The following OR1L8 variants were observed in gnomAD, a reference collection of about 807,000 sequenced individuals.
The protein encoded by OR1L8 is olfactory receptor family 1 subfamily L member 8.
For missense variants in OR1L8, 330 were observed against 377.4 expected, an observed-to-expected ratio of 0.87 and a Z score of 1.04; for synonymous variants, 148 against 147.0, an observed-to-expected ratio of 1.01 and a Z score of -0.05.
At chr9:122,557,611 G>C in the OR1L8 span, among the ~76,000 whole-genome samples, 2 of 151,974 alleles carry the variant, frequency 1.3e-5, no homozygotes, top group African/African-American at 4.8e-5. Context: ...TATTTGCTAA[G>C]TACTTTATTA....
In OR1L8 at chr9:122,568,226, C is replaced by A; in HGVS notation, c.252G>T (p.Met84Ile). ...FTTSVVPKML[M>I]NFLSEKKTIS... is the part of the protein sequence containing the mutation. ...TGGTCTTCTTTTCTGACAGGAAGTT[C>A]ATCAGCATCTTGGGGACAACGCTTG... is the stretch of plus-strand genomic sequence containing the variant. The change falls in exon 5 of 5, where the codon ATG (methionine) becomes ATT (isoleucine). Residue 84 changes from methionine to isoleucine, a missense_variant. Coordinates refer to ENST00000641027, the MANE Select transcript of OR1L8 (RefSeq NM_001004454.2). 6.2e-7 allele frequency: 1 copy of A among 1,614,128 alleles called. No individual in the cohort carries two copies. Among genetic ancestry groups the A allele is most frequent in the Non-Finnish European group, 8.5e-7 (1 of 1,180,008 alleles).
chr9:122,561,674 G>A, the OR1L8 span, among the ~76,000 whole-genome samples: 3 of 152,250 alleles, frequency 2.0e-5, no homozygotes, highest in African/African-American at 7.2e-5. Flanking sequence ...GATGTCACTG[G>A]GGGAAGCTGG....
the OR1L8 span, among the ~76,000 whole-genome samples, chr9:122,548,723 C>T: frequency 6.7e-6 from 1 of 149,522 alleles, no homozygotes. Flanking sequence ...AGGTATATCT[C>T]CTAATGCTAT....
At chr9:122,552,899 A>T in the OR1L8 span, among the ~76,000 whole-genome samples, 1 of 151,680 alleles carries the variant, frequency 6.6e-6, no homozygotes, top group African/African-American at 2.4e-5. Context: ...CTCAATTCTC[A>T]CTTCCTCTAA....
At chr9:122,577,397 C>A (rs7867128) in intron 2 of OR1L8, among the ~76,000 whole-genome samples, 5,439 of 152,178 alleles carry the variant, frequency 0.036, 282 homozygotes, top group East Asian at 0.25. Flanking sequence ...ATATGACCTC[C>A]ACATACAAAA....
chr9:122,568,070 G>A lies in OR1L8; in HGVS notation c.408C>T (p.Thr136=). ...GCAGGACACAGTGGTGGTGGCTCAT[G>A]GTGGTGACATAGTGGAAAGGGTCAC... is the stretch of plus-strand genomic sequence containing the variant. ...AVCDPFHYVT[T]MSHHHCVLLV... Residue 136 remains threonine, a synonymous_variant, in exon 5 of 5, where the codon ACC becomes ACT. Transcript: ENST00000641027. 6.2e-7 allele frequency: 1 copy of A among 1,614,086 alleles called. No individual in the cohort carries two copies.
At chr9:122,550,300 C>T in the OR1L8 span, among the ~76,000 whole-genome samples, 1 of 150,050 alleles carries the variant, frequency 6.7e-6, no homozygotes, top group Non-Finnish European at 1.5e-5. Flanking sequence ...CAGTTTAATT[C>T]ACAGCTGAAT....
At chr9:122,565,091 C>A (rs1326674967), downstream of OR1L8, among the ~76,000 whole-genome samples, 1 of 152,130 alleles carries the variant, frequency 6.6e-6, no homozygotes, top group Non-Finnish European at 1.5e-5. Context: ...TCCAGATAGC[C>A]CTTTTAAGGT....
rs201592433 is a variant in OR1L8 at position 122,567,982 on chromosome 9, G to T, written c.496C>A (p.Arg166Ser). ...HSLLHTLLLNRLTFCDSNVIH... is the reference protein window; with the variant it reads ...HSLLHTLLLNSLTFCDSNVIH... ...ACATTGGAGTCACAGAAGGTGAGAC[G>T]ATTCAGCAGAAGTGTGTGCAGGAGT... Residue 166 changes from arginine (R) to serine (S), a missense_variant, in exon 5 of 5, where the codon CGT (arginine) becomes AGT (serine). Physicochemically the swap from Arg to Ser is moderately radical, Grantham distance 110 (BLOSUM62 -1). Transcript: ENST00000641027. The T allele has an allele frequency of 1.4e-4, 234 of 1,614,038 alleles. 1 individual carries two copies. Among genetic ancestry groups the T allele is most frequent in the Admixed American group, 8.3e-5 (5 of 59,996 alleles).
Position 122,575,099 on chromosome 9 carries a change from C to T in OR1L8, c.-342+1667G>A, listed in dbSNP as rs115233147. Among the ~76,000 whole-genome samples the T allele has an allele frequency of 1.3e-3, 192 of 152,112 alleles. 1 individual carries two copies. The highest frequency in any genetic ancestry group is 4.5e-3 in the African/African-American group (185 of 41,520). On this transcript the variant is annotated intron_variant, in intron 3 of 4. Coordinates refer to ENST00000641027, the MANE Select transcript of OR1L8 (RefSeq NM_001004454.2). ...TTTATACATTGTTGGATTCAATTTG[C>T]AAACATTTTGTTTAGAGTTATGCAT...
the OR1L8 span, among the ~76,000 whole-genome samples, chr9:122,560,277 T>A: frequency 1.3e-5 from 2 of 152,188 alleles, no homozygotes; most frequent in Non-Finnish European, 2.9e-5. Flanking sequence ...CTTGACTCTT[T>A]ATCCAGTTTG....
At chr9:122,559,924 TG>T in the OR1L8 span, among the ~76,000 whole-genome samples, 1 of 152,192 alleles carries the variant, frequency 6.6e-6, no homozygotes, top group Non-Finnish European at 1.5e-5. Flanking sequence ...ATATTGACAG[TG>T]GGGTGTTAAA....
the OR1L8 span, among the ~76,000 whole-genome samples, chr9:122,557,372 C>G: frequency 6.6e-6 from 1 of 151,934 alleles, no homozygotes; most frequent in Non-Finnish European, 1.5e-5. Context: ...AAATAGATAT[C>G]CTTTATCTCT....
At chr9:122,549,542 G>A in the OR1L8 span, among the ~76,000 whole-genome samples, 5 of 152,172 alleles carry the variant, frequency 3.3e-5, no homozygotes, top group Admixed American at 2.0e-4. Flanking sequence ...TTTTGTATAT[G>A]GTGAGAAATA....
At chr9:122,553,694 G>A in the OR1L8 span, 2 of 1,614,044 alleles carry the variant, frequency 1.2e-6, no homozygotes, top group South Asian at 2.2e-5. Context: ...CTGCCCTGAT[G>A]CACACACTGT....
rs189387707 is a variant in OR1L8, at chr9:122,576,704, C to T, written c.-342+62G>A. The T allele has an allele frequency of 9.1e-4, 138 of 152,324 alleles. 1 individual carries two copies. Among genetic ancestry groups the T allele is most frequent in the African/African-American group, 2.9e-3 (119 of 41,542 alleles). 9.4% of individuals were successfully genotyped at this position (152,324 alleles called of 1,614,324 possible). On this transcript the variant is annotated intron_variant, in intron 3 of 4. Transcript: ENST00000641027. ...GACTGGTTCCCCCTAGAGATTTTAA[C>T]TCTCAGACTTGTCTACACTGAGCCT...
the OR1L8 span, chr9:122,553,642 G>C: frequency 6.2e-7 from 1 of 1,614,090 alleles, no homozygotes; most frequent in Non-Finnish European, 8.5e-7. Flanking sequence ...CCCCAGCTCT[G>C]TGCACTAATG....
At chr9:122,581,872 A>G (rs1439375959) in intron 1 of OR1L8, among the ~76,000 whole-genome samples, 1 of 152,178 alleles carries the variant, frequency 6.6e-6, no homozygotes, top group African/African-American at 2.4e-5. Context: ...AGATCACGAC[A>G]CTGCACTCCA....
intron 3 of OR1L8, among the ~76,000 whole-genome samples, chr9:122,575,143 C>T (rs751498551): frequency 6.6e-6 from 1 of 151,970 alleles, no homozygotes; most frequent in East Asian, 1.9e-4. Flanking sequence ...ATGAGAGATA[C>T]AGGTTTATAG....
Sources: gnomAD v4.1 joint callset for allele counts (sites outside exome capture counted in the v4.1 genomes callset) on GRCh38, gnomAD v4.1.1 for gene constraint, MANE v1.5 for transcripts, NCBI Gene and HGNC (gene_info 2026-07-23, HGNC 2026-07-21) for gene names.